Variants in ANOS1 observed in about 807,000 individuals in gnomAD.
ANOS1 encodes anosmin-1.
Under a neutral mutation model 59.0 loss-of-function variants are expected in ANOS1, and 6 were observed. That is an observed-to-expected ratio of 0.10 (90% CI 0.06 to 0.20). ANOS1 has a LOEUF of 0.20. Ranked by LOEUF, ANOS1 falls within the 10% of genes least tolerant of loss-of-function variation. The pLI is 1.00. For missense variants in ANOS1, 433 were observed against 542.3 expected, an observed-to-expected ratio of 0.80 and a Z score of 2.00; for synonymous variants, 217 against 223.4, an observed-to-expected ratio of 0.97 and a Z score of 0.25.
At chrX:8,680,812 C>T (rs1424674667) in intron 2 of ANOS1, among the ~76,000 whole-genome samples, 4 of 111,658 alleles carry the variant, frequency 3.6e-5, no homozygotes, top group African/African-American at 9.8e-5. Context: ...CCAAAATATG[C>T]TACTTTGGCA....
intron 5 of ANOS1, among the ~76,000 whole-genome samples, chrX:8,586,160 G>A (rs1345277390): frequency 5.5e-5 from 6 of 109,885 alleles, no homozygotes; most frequent in Non-Finnish European, 3.8e-5. Flanking sequence ...TACAGTCTAT[G>A]CCCTCATCTA....
At chrX:8,553,892 A>T (rs1225811058) in intron 9 of ANOS1, 60 bp downstream of exon 9, 7 of 1,065,961 alleles carry the variant, frequency 6.6e-6, no homozygotes, top group Non-Finnish European at 9.1e-6. Context: ...CTTCAAAACT[A>T]TCTCTATATT....
At chrX:8,579,903 A>T (rs1210588010) in intron 6 of ANOS1, among the ~76,000 whole-genome samples, 2 of 111,726 alleles carry the variant, frequency 1.8e-5, no homozygotes. Flanking sequence ...TTCCTTCTAC[A>T]CCCTGTCCTA....
intron 1 of ANOS1, among the ~76,000 whole-genome samples, chrX:8,702,216 T>C (rs1249649359): frequency 9.0e-6 from 1 of 111,692 alleles, no homozygotes; most frequent in Non-Finnish European, 1.9e-5. Context: ...GTTATGATTT[T>C]TGGCAGGGAT....
rs867832293 is a variant in ANOS1, at chrX:8,659,533, T to C, written c.256-35863A>G. Among the ~76,000 whole-genome samples the C allele has an allele frequency of 4.4e-3, 418 of 95,307 alleles. 1 individual carries two copies. Among genetic ancestry groups the C allele is most frequent in the African/African-American group, 0.019 (405 of 21,590 alleles). The allele number at this position is 95,307 out of a possible 115,157, so 82.8% of individuals were successfully genotyped here. ...TGCTTGCTTGCTTTTCTTTCTTTCTTTCTCTTTCCTTCCTTCCTTCCTTCC... is the reference window on the plus strand; with the variant it reads ...TGCTTGCTTGCTTTTCTTTCTTTCTCTCTCTTTCCTTCCTTCCTTCCTTCC... On this transcript the variant is annotated intron_variant, in intron 2 of 13. Transcript: ENST00000262648.
At position 8,532,717 on chromosome X, in the gene ANOS1, G is replaced by A. The variant is rs1030484971; in HGVS notation, c.*278C>T. 1.1e-5 allele frequency: 3 copies of A among 264,727 alleles called. No homozygotes were observed. The highest frequency in any genetic ancestry group is 8.1e-5 in the African/African-American group (3 of 36,934). The allele number at this position is 264,727 out of a possible 1,213,427, so 21.8% of individuals were successfully genotyped here. ...TTCTGTTGTAATTCAATAGAAATGA[G>A]CGACACCATACATGAAAACAAAATT... On this transcript the variant is annotated 3_prime_UTR_variant, in exon 14 of 14. Coordinates refer to ENST00000262648, the MANE Select transcript of ANOS1 (RefSeq NM_000216.4).
At chrX:8,568,776 G>A (rs760081077) in intron 7 of ANOS1, among the ~76,000 whole-genome samples, 63 of 110,941 alleles carry the variant, frequency 5.7e-4, no homozygotes, top group East Asian at 5.7e-4. Context: ...AGCTGTGATC[G>A]CACCACTGCA....
chrX:8,534,382 C>A lies in ANOS1; in HGVS notation c.1921G>T (p.Gly641Trp), dbSNP rs375767556. 1.7e-6 allele frequency: 2 copies of A among 1,210,928 alleles called. No homozygotes were observed. The highest frequency in any genetic ancestry group is 3.5e-5 in the South Asian group (2 of 56,927). ...GTCTTGATGGTGGCCGGCCCCTCCC[C>A]TCCTGGGGTCAGCACTTGCACTTCC... is the stretch of plus-strand genomic sequence containing the variant. ...RLEVQVLTPG[G>W]EGPATIKTFR... The change falls in exon 13 of 14, where the codon GGG becomes TGG. Residue 641 changes from glycine (G) to tryptophan (W), a missense_variant. Physicochemically the swap from Gly to Trp is radical, Grantham distance 184. Transcript: ENST00000262648.
rs113763836 is a variant in ANOS1 at position 8,677,656 on chromosome X, C to T, written c.255+22042G>A. Among the ~76,000 whole-genome samples, 542 of 111,214 alleles carry T rather than the reference C, an allele frequency of 4.9e-3. 1 individual carries two copies. The highest frequency in any genetic ancestry group is 9.6e-3 in the African/African-American group (293 of 30,614). On this transcript the variant is annotated intron_variant, in intron 2 of 13. Transcript: ENST00000262648. ...GATTATTTTTCGAAAACAGATACAA[C>T]AGTTAAGAAATATGTTGGAAAGTTT...
intron 4 of ANOS1, among the ~76,000 whole-genome samples, chrX:8,594,156 G>C (rs1035487362): frequency 9.0e-6 from 1 of 111,100 alleles, no homozygotes; most frequent in African/African-American, 3.3e-5. Flanking sequence ...AGCAGGACTA[G>C]ATAATCTCAA....
intron 2 of ANOS1, among the ~76,000 whole-genome samples, chrX:8,685,276 G>T (rs6640214): frequency 0.37 from 40,344 of 109,042 alleles, 5,555 homozygotes; most frequent in East Asian, 0.61. Flanking sequence ...AATGAACACA[G>T]TATCGACAGA....
At chrX:8,693,710 GA>G (rs1932639830) in intron 2 of ANOS1, among the ~76,000 whole-genome samples, 1 of 107,231 alleles carries the variant, frequency 9.3e-6, no homozygotes, top group South Asian at 4.2e-4. Flanking sequence ...CAGTAATGGG[GA>G]CTCATAAGGA....
chrX:8,567,950 A>T (rs1439026409), intron 8 of ANOS1, among the ~76,000 whole-genome samples: 4 of 112,634 alleles, frequency 3.6e-5, no homozygotes, highest in African/African-American at 1.3e-4. Flanking sequence ...ATGTAAACAT[A>T]AAAACAGTCA....
intron 6 of ANOS1, 101 bp downstream of exon 6, chrX:8,585,166 G>T: frequency 1.1e-6 from 1 of 952,074 alleles, no homozygotes; most frequent in Non-Finnish European, 1.5e-6. Flanking sequence ...GCCACCTGTT[G>T]ACTAACTATA....
At chrX:8,625,063 C>T (rs1227557392) in intron 2 of ANOS1, among the ~76,000 whole-genome samples, 5 of 110,322 alleles carry the variant, frequency 4.5e-5, no homozygotes, top group African/African-American at 1.3e-4. Flanking sequence ...GAGCCGAGAT[C>T]GGGCCACTGC....
chrX:8,534,597 T>C (rs1431430145), intron 12 of ANOS1, 137 bp from the exon 13 acceptor site: 2 of 592,765 alleles, frequency 3.4e-6, no homozygotes, highest in Non-Finnish European at 2.8e-6. Context: ...TGTAAAGGCA[T>C]AGTTTAATTT....
intron 9 of ANOS1, among the ~76,000 whole-genome samples, chrX:8,546,347 T>A (rs1929771334): frequency 8.9e-6 from 1 of 112,540 alleles, no homozygotes; most frequent in Non-Finnish European, 1.9e-5. Context: ...TTTCTACCAC[T>A]CCCTTCTATC....
At chrX:8,650,535 T>G (rs1160982815) in intron 2 of ANOS1, among the ~76,000 whole-genome samples, 1 of 111,777 alleles carries the variant, frequency 8.9e-6, no homozygotes, top group Non-Finnish European at 1.9e-5. Flanking sequence ...CTGACCAACA[T>G]GGTGAAACGT....
intron 6 of ANOS1, among the ~76,000 whole-genome samples, chrX:8,576,530 A>G (rs1389452538): frequency 9.1e-6 from 1 of 109,329 alleles, no homozygotes; most frequent in Non-Finnish European, 1.9e-5. Flanking sequence ...ATATAGATGT[A>G]CATATGCATA....
Sources: gnomAD v4.1 joint callset for allele counts (sites outside exome capture counted in the v4.1 genomes callset) on GRCh38, gnomAD v4.1.1 for gene constraint, MANE v1.5 for transcripts, NCBI Gene and HGNC (gene_info 2026-07-23, HGNC 2026-07-21) for gene names.